The following AIM2 variants were observed in gnomAD, a reference collection of about 807,000 sequenced individuals.
AIM2 encodes absent in melanoma 2.
Under a neutral mutation model 27.7 loss-of-function variants are expected in AIM2, and 30 were observed. The ratio of observed to expected loss-of-function variants is 1.08; its 90% confidence interval spans 0.81 to 1.47. AIM2 has a LOEUF of 1.47. AIM2 is among the 40% of genes most tolerant of loss of function. AIM2 has a pLI of 0.00. For missense variants in AIM2, 358 were observed against 411.3 expected (o/e 0.87, Z 1.12); for synonymous variants, 141 against 145.3 (o/e 0.97, Z 0.21).
At chr1:159,092,821 C>T (rs748291258) in intron 1 of AIM2, among the ~76,000 whole-genome samples, 12 of 151,892 alleles carry the variant, frequency 7.9e-5, no homozygotes, top group African/African-American at 1.5e-4. Context: ...GTCAGGAGTT[C>T]GAAACCACCC....
chr1:159,059,994 C>T (rs28541787), downstream of AIM2, among the ~76,000 whole-genome samples: 314 of 152,248 alleles, frequency 2.1e-3, 2 homozygotes, highest in Non-Finnish European at 3.3e-3. Flanking sequence ...TAGAACAACT[C>T]ACAGAGATGC....
At chr1:159,095,789 G>T (rs1409677092) in intron 1 of AIM2, among the ~76,000 whole-genome samples, 1 of 152,112 alleles carries the variant, frequency 6.6e-6, no homozygotes, top group Non-Finnish European at 1.5e-5. Flanking sequence ...ATTATCAAGA[G>T]TTCCCTAAGA....
At chr1:159,141,570 C>A (rs576572270), upstream of AIM2, among the ~76,000 whole-genome samples, 2 of 152,228 alleles carry the variant, frequency 1.3e-5, no homozygotes, top group South Asian at 4.2e-4. Flanking sequence ...ATCAACCTAG[C>A]ATGACAGTAG....
chr1:159,080,000 T>C (rs532885990), upstream of AIM2, among the ~76,000 whole-genome samples: 10 of 152,274 alleles, frequency 6.6e-5, no homozygotes, highest in South Asian at 2.1e-3. Context: ...TCCTCCATGG[T>C]TTTTCATGGC....
intron 1 of AIM2, among the ~76,000 whole-genome samples, chr1:159,139,892 A>T (rs1648078273): frequency 6.6e-6 from 1 of 152,194 alleles, no homozygotes; most frequent in Non-Finnish European, 1.5e-5. Flanking sequence ...TTTAACAGTG[A>T]TATAGAAATA....
intron 2 of AIM2, 95 bp from the exon 3 acceptor site, chr1:159,068,796 T>A (rs542923056): frequency 8.0e-7 from 1 of 1,250,662 alleles, no homozygotes; most frequent in East Asian, 2.6e-5. Context: ...TAAAACCATA[T>A]TAAGATATCT....
At chr1:159,123,968 G>C (rs1430423087) in intron 1 of AIM2, among the ~76,000 whole-genome samples, 1 of 152,256 alleles carries the variant, frequency 6.6e-6, no homozygotes, top group East Asian at 1.9e-4. Flanking sequence ...GAGAAAATCT[G>C]CCTCATTTAC....
At chr1:159,136,465 G>A (rs566528100) in intron 1 of AIM2, among the ~76,000 whole-genome samples, 4 of 152,140 alleles carry the variant, frequency 2.6e-5, no homozygotes, top group African/African-American at 9.6e-5. Context: ...AGTAAATAGC[G>A]AGACCTCAGA....
intron 1 of AIM2, among the ~76,000 whole-genome samples, chr1:159,135,081 C>G (rs1333971295): frequency 1.3e-5 from 2 of 152,204 alleles, no homozygotes; most frequent in Non-Finnish European, 2.9e-5. Flanking sequence ...ACCATTGCAG[C>G]TTTACATGTT....
chr1:159,069,229 G>A (rs76300327), intron 2 of AIM2, among the ~76,000 whole-genome samples: 1,858 of 151,760 alleles, frequency 0.012, 46 homozygotes, highest in African/African-American at 0.042. Flanking sequence ...GGTTTGGGAC[G>A]CTATTTATTA....
At chr1:159,146,434 AT>A (rs1648209206) in intron 1 of AIM2, among the ~76,000 whole-genome samples, 1 of 151,994 alleles carries the variant, frequency 6.6e-6, no homozygotes, top group African/African-American at 2.4e-5. Context: ...TCTTCTTGCC[AT>A]CCCCATCAAT....
At chr1:159,131,509 G>C (rs1040703255) in intron 1 of AIM2, among the ~76,000 whole-genome samples, 2 of 152,158 alleles carry the variant, frequency 1.3e-5, no homozygotes, top group African/African-American at 4.8e-5. Flanking sequence ...TAGAAATTGG[G>C]AGCAGTTTAG....
chr1:159,061,156 TC>T (rs1187673922), downstream of AIM2, among the ~76,000 whole-genome samples: 3 of 152,340 alleles, frequency 2.0e-5, no homozygotes, highest in Non-Finnish European at 2.9e-5. Context: ...TTTTTCCAAA[TC>T]TTTGTCAGCA....
chr1:159,071,996 T>G (rs1317391037), intron 2 of AIM2, among the ~76,000 whole-genome samples: 2 of 152,226 alleles, frequency 1.3e-5, no homozygotes, highest in Non-Finnish European at 2.9e-5. Flanking sequence ...GGGGAAATTT[T>G]GTTCTATCCT....
At chr1:159,114,760 T>G (rs1430857337) in intron 1 of AIM2, among the ~76,000 whole-genome samples, 2 of 152,158 alleles carry the variant, frequency 1.3e-5, no homozygotes, top group African/African-American at 4.8e-5. Context: ...GCATTCCCTT[T>G]GAAAACTGGC....
intron 1 of AIM2, among the ~76,000 whole-genome samples, chr1:159,132,083 C>T (rs576665827): frequency 4.0e-5 from 6 of 151,590 alleles, no homozygotes; most frequent in African/African-American, 1.5e-4. Context: ...CGTGGTGGCT[C>T]ACGCCTGTAA....
chr1:159,061,966 A>G (rs2101957194), downstream of AIM2, among the ~76,000 whole-genome samples: 1 of 152,300 alleles, frequency 6.6e-6, no homozygotes. Context: ...GTTTATGAAA[A>G]GCCAATGATC....
At chr1:159,118,673 A>C (rs920306275) in intron 1 of AIM2, among the ~76,000 whole-genome samples, 2 of 152,162 alleles carry the variant, frequency 1.3e-5, no homozygotes, top group Non-Finnish European at 2.9e-5. Context: ...TGGTTCCAAA[A>C]TTCATTGATA....
chr1:159,058,221 T>C (rs745926703), downstream of AIM2, among the ~76,000 whole-genome samples: 4 of 152,040 alleles, frequency 2.6e-5, no homozygotes, highest in Non-Finnish European at 4.4e-5. Flanking sequence ...TGGTGGTGCA[T>C]GCCTGTAGTC....
Sources: allele counts gnomAD v4.1 joint callset (sites outside exome capture counted in the v4.1 genomes callset), GRCh38; gene constraint gnomAD v4.1.1; transcripts MANE v1.5; gene names NCBI Gene and HGNC (gene_info 2026-07-23, HGNC 2026-07-21).